EPB41: variants seen among roughly 807,000 people sequenced by gnomAD.
The protein encoded by EPB41 is erythrocyte membrane protein band 4.1.
EPB41 carries 65 observed loss-of-function variants against 108.0 expected under a neutral mutation model. That is an observed-to-expected ratio of 0.60 (90% CI 0.49 to 0.74). The LOEUF (loss-of-function observed/expected upper bound fraction) is 0.74. Among genes scored for constraint, EPB41 ranks in the 30% least tolerant of loss-of-function variants. EPB41 has a pLI of 0.00. For synonymous variants in EPB41, 336 were observed against 358.9 expected, an observed-to-expected ratio of 0.94 and a Z score of 0.72; for missense variants, 875 against 1,037.0, an observed-to-expected ratio of 0.84 and a Z score of 2.15.
chr1:29,033,359 G>A (rs983390238), intron 9 of EPB41, 114 bp downstream of exon 9: 24 of 1,247,558 alleles, frequency 1.9e-5, no homozygotes, highest in Non-Finnish European at 2.4e-5. Context: ...GTTAACTATT[G>A]AAGGGCTGAT....
intron 12 of EPB41, among the ~76,000 whole-genome samples, chr1:29,058,094 A>G (rs1425430782): frequency 6.6e-6 from 1 of 152,196 alleles, no homozygotes; most frequent in African/African-American, 2.4e-5. Flanking sequence ...TTGGTGTCAT[A>G]TGTGGTTTAT....
chr1:28,927,423 A>G (rs969392695), intron 1 of EPB41, among the ~76,000 whole-genome samples: 3 of 152,088 alleles, frequency 2.0e-5, no homozygotes, highest in Non-Finnish European at 4.4e-5. Flanking sequence ...CGTGTTGGGT[A>G]TCTGTTCTAA....
intron 8 of EPB41, among the ~76,000 whole-genome samples, chr1:29,032,773 A>T (rs1356549227): frequency 6.6e-6 from 1 of 152,158 alleles, no homozygotes. Flanking sequence ...TCTTATGCTG[A>T]GTTTATATAG....
At chr1:29,029,116 T>A (rs1262081134) in intron 7 of EPB41, among the ~76,000 whole-genome samples, 3 of 151,684 alleles carry the variant, frequency 2.0e-5, no homozygotes, top group Non-Finnish European at 4.4e-5. Context: ...ATAGGAGTAA[T>A]GTTAACTAGA....
chr1:29,110,093 T>C (rs1054683331), intron 18 of EPB41, among the ~76,000 whole-genome samples: 2 of 151,070 alleles, frequency 1.3e-5, no homozygotes, highest in Non-Finnish European at 2.9e-5. Flanking sequence ...TCCAGTACTT[T>C]GGGAGGCTGA....
At chr1:28,915,370 G>T (rs893295420) in intron 1 of EPB41, among the ~76,000 whole-genome samples, 4 of 152,212 alleles carry the variant, frequency 2.6e-5, no homozygotes, top group African/African-American at 9.6e-5. Context: ...TCCTTTTTCA[G>T]TTCGCGCATC....
intron 1 of EPB41, among the ~76,000 whole-genome samples, chr1:28,979,714 CTTT>C (rs34603544): frequency 3.8e-3 from 548 of 143,590 alleles, no homozygotes; most frequent in African/African-American, 9.5e-3. Context: ...ACTGTCCTCA[CTTT>C]TTTTTTTTTT....
chr1:28,921,921 A>G (rs1177167450), intron 1 of EPB41, among the ~76,000 whole-genome samples: 1 of 117,472 alleles, frequency 8.5e-6, no homozygotes. Context: ...TGTAAATAGT[A>G]TTTTATTTAT....
chr1:28,960,230 T>G (rs1057236365), intron 1 of EPB41, among the ~76,000 whole-genome samples: 4 of 151,646 alleles, frequency 2.6e-5, no homozygotes, highest in African/African-American at 9.7e-5. Context: ...AGGCTGGTCT[T>G]GAACTCCTGG....
rs762323185 is a variant in EPB41 at position 29,039,475 on chromosome 1, A to G, written c.1636+49A>G. ...TCTTGTGATCATAATTCATTTGGAA[A>G]GATAAAGGAAGTGCAATTATCTATA... On this transcript the variant is annotated intron_variant, in intron 11 of 20. Coordinates refer to ENST00000343067, the MANE Select transcript of EPB41 (RefSeq NM_001376013.1). The G allele has an allele frequency of 1.2e-5, 19 of 1,606,850 alleles. No individual in the cohort carries two copies. In the Middle Eastern group the frequency reaches 6.0e-4, roughly 51 times the overall value.
intron 16 of EPB41, among the ~76,000 whole-genome samples, chr1:29,081,811 GGC>G (rs1656768346): frequency 1.4e-5 from 2 of 147,784 alleles, no homozygotes. Context: ...CTCCAGCCTG[GGC>G]AACAAGAGCG....
intron 17 of EPB41, among the ~76,000 whole-genome samples, chr1:29,106,793 G>T (rs1222877666): frequency 6.6e-6 from 1 of 150,896 alleles, no homozygotes; most frequent in Non-Finnish European, 1.5e-5. Context: ...AGCTGGTCTT[G>T]AACTCCTGAC....
At chr1:29,008,214 A>C (rs1380099709) in intron 4 of EPB41, among the ~76,000 whole-genome samples, 2 of 152,074 alleles carry the variant, frequency 1.3e-5, no homozygotes, top group African/African-American at 4.8e-5. Context: ...ACCAACCCTC[A>C]TCATGAGCCC....
At chr1:29,077,804 A>G (rs937907691) in intron 16 of EPB41, among the ~76,000 whole-genome samples, 2 of 152,230 alleles carry the variant, frequency 1.3e-5, no homozygotes, top group Non-Finnish European at 2.9e-5. Context: ...TTATGCTCCA[A>G]TCAAACTTTA....
intron 1 of EPB41, among the ~76,000 whole-genome samples, chr1:28,929,843 C>CTTTTT (rs56337991): frequency 0.02 from 2,030 of 101,666 alleles, 49 homozygotes; most frequent in African/African-American, 0.06. Flanking sequence ...ACTGGGCCTT[C>CTTTTT]TTTTTTTTTT....
rs889153086 is a variant in EPB41 at position 28,979,706 on chromosome 1, T to C, written c.-7-7725T>C. ...GGCTAATGGATGGTACTTTTGAAACTGTCCTCACTTTTTTTTTTTTTAATC... is the reference window on the plus strand; with the variant it reads ...GGCTAATGGATGGTACTTTTGAAACCGTCCTCACTTTTTTTTTTTTTAATC... On this transcript the variant is annotated intron_variant, in intron 1 of 20. Transcript: ENST00000343067. Among the ~76,000 whole-genome samples the C allele has an allele frequency of 2.9e-5, 4 of 137,756 alleles. No homozygotes were observed. The South Asian group carries it at 1.1e-3, about 37-fold the overall frequency. The allele number at this position is 137,756 out of a possible 152,430, so 90.4% of individuals were successfully genotyped here. A position where few individuals can be genotyped will look rare whatever the true frequency, so the allele number is the denominator to read the frequency against.
chr1:29,053,978 T>C (rs1434844479), intron 12 of EPB41: 1 of 152,368 alleles, frequency 6.6e-6, no homozygotes, highest in Non-Finnish European at 1.5e-5. Flanking sequence ...GACTAAGCTC[T>C]GCTATTGTGA....
At position 28,953,645 on chromosome 1, in the gene EPB41, G is replaced by A. The variant is rs1036076499; in HGVS notation, c.-7-33786G>A. Among the ~76,000 whole-genome samples the A allele has an allele frequency of 1.3e-4, 20 of 152,330 alleles. 1 individual carries two copies. Among genetic ancestry groups the A allele is most frequent in the Non-Finnish European group, 1.9e-4 (13 of 68,030 alleles). ...ATCCAAGAACCTGATGAATTGAACC[G>A]TTTTCCAATGAAGGTGACATTAGAC... On this transcript the variant is annotated intron_variant, in intron 1 of 20. Coordinates refer to ENST00000343067, the MANE Select transcript of EPB41 (RefSeq NM_001376013.1).
At chr1:29,101,224 C>CA (rs1215232910) in intron 17 of EPB41, among the ~76,000 whole-genome samples, 1 of 149,602 alleles carries the variant, frequency 6.7e-6, no homozygotes, top group Non-Finnish European at 1.5e-5. Context: ...AAGTCCATCT[C>CA]AAAAAAAGAA....
Sources: gnomAD v4.1 joint callset for allele counts (sites outside exome capture counted in the v4.1 genomes callset) on GRCh38, gnomAD v4.1.1 for gene constraint, MANE v1.5 for transcripts, NCBI Gene and HGNC (gene_info 2026-07-23, HGNC 2026-07-21) for gene names.